The following ATP8A2 variants were observed in gnomAD, a reference collection of about 807,000 sequenced individuals.
ATP8A2 encodes the protein ATPase phospholipid transporting 8A2.
A neutral mutation model predicts 165.6 loss-of-function variants in ATP8A2; 100 were observed. That is an observed-to-expected ratio of 0.60 (90% CI 0.51 to 0.71). The LOEUF is 0.71. ATP8A2 is among the 30% of genes least tolerant of loss of function. The pLI is 0.00. For missense variants in ATP8A2, 1,227 were observed against 1,479.5 expected, an observed-to-expected ratio of 0.83 and a Z score of 2.80; for synonymous variants, 543 against 548.8, an observed-to-expected ratio of 0.99 and a Z score of 0.15.
At chr13:25,951,614 A>G (rs1457991451) in intron 33 of ATP8A2, among the ~76,000 whole-genome samples, 1 of 152,176 alleles carries the variant, frequency 6.6e-6, no homozygotes, top group East Asian at 1.9e-4. Flanking sequence ...GCATTTTAGC[A>G]TATTTAAATT....
intron 1 of ATP8A2, among the ~76,000 whole-genome samples, chr13:25,386,257 C>T (rs1011558858): frequency 2.6e-5 from 4 of 152,104 alleles, no homozygotes; most frequent in South Asian, 2.1e-4. Flanking sequence ...CTGCTCACAT[C>T]GGTGAGTGCA....
intron 24 of ATP8A2, among the ~76,000 whole-genome samples, chr13:25,688,358 G>C (rs977915132): frequency 2.0e-5 from 3 of 151,790 alleles, no homozygotes; most frequent in Non-Finnish European, 4.4e-5. Flanking sequence ...ACCCTAGTTC[G>C]TTACGGGTTC....
chr13:25,626,672 G>T (rs1313057839), intron 24 of ATP8A2, among the ~76,000 whole-genome samples: 1 of 152,090 alleles, frequency 6.6e-6, no homozygotes, highest in Non-Finnish European at 1.5e-5. Context: ...GGAGTGGTAT[G>T]GGGAGTAAAG....
intron 25 of ATP8A2, among the ~76,000 whole-genome samples, chr13:25,741,839 T>G (rs759719496): frequency 3.3e-5 from 5 of 152,222 alleles, no homozygotes; most frequent in Admixed American, 6.5e-5. Flanking sequence ...TTTAGATGCA[T>G]GAGCTTTACA....
At chr13:25,435,015 T>A (rs1291517617) in intron 1 of ATP8A2, among the ~76,000 whole-genome samples, 1 of 152,146 alleles carries the variant, frequency 6.6e-6, no homozygotes, top group Non-Finnish European at 1.5e-5. Context: ...GATCTATGCA[T>A]CCGTTCTGTG....
chr13:25,882,947 GTGATGA>G (rs1029336084), intron 33 of ATP8A2, among the ~76,000 whole-genome samples: 4 of 148,282 alleles, frequency 2.7e-5, no homozygotes, highest in African/African-American at 9.9e-5. Flanking sequence ...GATGGTGATG[GTGATGA>G]TGGTGATGGT....
chr13:25,631,108 C>T (rs773795141), intron 24 of ATP8A2, among the ~76,000 whole-genome samples: 10 of 151,960 alleles, frequency 6.6e-5, no homozygotes, highest in Non-Finnish European at 1.3e-4. Context: ...AGTTTCTGAC[C>T]CAGCAAGCAA....
At chr13:25,612,995 C>T (rs1242835699) in intron 24 of ATP8A2, among the ~76,000 whole-genome samples, 1 of 152,042 alleles carries the variant, frequency 6.6e-6, no homozygotes, top group Non-Finnish European at 1.5e-5. Context: ...TACCCCTTTA[C>T]CTTAAGTTCA....
chr13:25,816,720 A>G (rs1026360707), intron 27 of ATP8A2, among the ~76,000 whole-genome samples: 6 of 152,124 alleles, frequency 3.9e-5, no homozygotes, highest in Admixed American at 2.6e-4. Flanking sequence ...TAAAATATAT[A>G]TATGTGATTC....
chr13:25,592,475 A>G (rs1022779605), intron 24 of ATP8A2, among the ~76,000 whole-genome samples: 2 of 152,242 alleles, frequency 1.3e-5, no homozygotes, highest in African/African-American at 4.8e-5. Flanking sequence ...GTACAAGTTG[A>G]TGTTACTAAG....
intron 34 of ATP8A2, among the ~76,000 whole-genome samples, chr13:25,963,308 C>G (rs1394170449): frequency 6.6e-6 from 1 of 150,546 alleles, no homozygotes; most frequent in Non-Finnish European, 1.5e-5. Context: ...GCAGGAGAAT[C>G]GCTTGAACCT....
chr13:25,481,301 G>T (rs537252282), intron 2 of ATP8A2, among the ~76,000 whole-genome samples: 1 of 152,268 alleles, frequency 6.6e-6, no homozygotes, highest in Non-Finnish European at 1.5e-5. Flanking sequence ...CATGCAGACT[G>T]CATTTCCCAG....
chr13:25,871,096 G>T, intron 33 of ATP8A2: 1 of 273,550 alleles, frequency 3.7e-6, no homozygotes, highest in Non-Finnish European at 7.3e-6. Flanking sequence ...AGGCCCCGCG[G>T]CTTTGATTGA....
At chr13:25,804,183 C>G (rs1265929983) in intron 27 of ATP8A2, among the ~76,000 whole-genome samples, 1 of 152,052 alleles carries the variant, frequency 6.6e-6, no homozygotes, top group Non-Finnish European at 1.5e-5. Flanking sequence ...AAATGCTTGT[C>G]TTAATTAATA....
intron 33 of ATP8A2, among the ~76,000 whole-genome samples, chr13:25,923,811 A>G (rs1044816825): frequency 1.3e-5 from 2 of 152,290 alleles, no homozygotes; most frequent in East Asian, 3.9e-4. Context: ...ATGGGGTTTA[A>G]CAATTTAAAT....
intron 25 of ATP8A2, among the ~76,000 whole-genome samples, chr13:25,763,377 C>G (rs1287257672): frequency 6.6e-6 from 1 of 152,202 alleles, no homozygotes; most frequent in East Asian, 1.9e-4. Context: ...AAGGCACACT[C>G]TCTTGCAGCT....
chr13:25,474,299 C>T (rs927436992), intron 2 of ATP8A2, among the ~76,000 whole-genome samples: 5 of 152,150 alleles, frequency 3.3e-5, no homozygotes, highest in African/African-American at 7.2e-5. Context: ...CAGTGGCTCG[C>T]GCCTATAATC....
At chr13:25,724,807 T>C (rs1566079746) in intron 25 of ATP8A2, among the ~76,000 whole-genome samples, 1 of 152,186 alleles carries the variant, frequency 6.6e-6, no homozygotes, top group Non-Finnish European at 1.5e-5. Context: ...GACCACATCT[T>C]GGGCCCACAA....
chr13:25,925,770 C>T (rs992748406), intron 33 of ATP8A2, among the ~76,000 whole-genome samples: 4 of 150,176 alleles, frequency 2.7e-5, no homozygotes, highest in Non-Finnish European at 5.9e-5. Context: ...TCTTGTTGCC[C>T]AGGCAGGAGT....
Sources: allele counts gnomAD v4.1 joint callset (sites outside exome capture counted in the v4.1 genomes callset), GRCh38; gene constraint gnomAD v4.1.1; transcripts MANE v1.5; gene names NCBI Gene and HGNC (gene_info 2026-07-23, HGNC 2026-07-21).